The following ZNF91 variants were observed in gnomAD, a reference collection of about 807,000 sequenced individuals.
ZNF91 encodes the protein zinc finger protein 91.
In ZNF91, 7 loss-of-function variants were observed where a neutral mutation model predicts 12.6. The observed-to-expected ratio is 0.55, with a 90% CI of 0.31 to 1.04. The LOEUF (loss-of-function observed/expected upper bound fraction) is 1.04. ZNF91 is among the 50% of genes least tolerant of loss of function. The pLI is 0.05. For missense variants in ZNF91, 1,217 were observed against 1,385.4 expected (o/e 0.88, Z 1.93); for synonymous variants, 453 against 462.6 (o/e 0.98, Z 0.27).
intron 3 of ZNF91, among the ~76,000 whole-genome samples, chr19:23,368,871 TA>T (rs147574853): frequency 3.3e-5 from 5 of 151,478 alleles, no homozygotes; most frequent in African/African-American, 4.8e-5. Context: ...AAAACACAAA[TA>T]AAAAAACATT....
chr19:23,325,676 A>C (rs1395995034), intron 1 of ZNF91: 1 of 152,226 alleles, frequency 6.6e-6, no homozygotes, highest in Non-Finnish European at 1.5e-5. Flanking sequence ...TCTCACCCCC[A>C]TGTCCAATCA....
downstream of ZNF91, among the ~76,000 whole-genome samples, chr19:23,353,364 G>A (rs941012763): frequency 1.3e-5 from 2 of 151,886 alleles, no homozygotes; most frequent in African/African-American, 4.8e-5. Context: ...TGAGCACTGG[G>A]GCAAAAACAA....
At chr19:23,311,700 A>G (rs1199132497), upstream of ZNF91, among the ~76,000 whole-genome samples, 1 of 152,112 alleles carries the variant, frequency 6.6e-6, no homozygotes, top group Non-Finnish European at 1.5e-5. Flanking sequence ...AGATGGTGAC[A>G]CATCACTGAG....
chr19:23,347,717 C>A (rs1352709314), intron 3 of ZNF91, among the ~76,000 whole-genome samples: 2 of 152,190 alleles, frequency 1.3e-5, no homozygotes, highest in African/African-American at 4.8e-5. Context: ...ACCTTTCCAG[C>A]CGTGTTTGAG....
intron 3 of ZNF91, among the ~76,000 whole-genome samples, chr19:23,343,156 C>T (rs1296713659): frequency 6.6e-6 from 1 of 152,118 alleles, no homozygotes; most frequent in Non-Finnish European, 1.5e-5. Flanking sequence ...GTTTTGAGTG[C>T]CATATTTACA....
At chr19:23,346,344 G>A (rs962864815) in intron 3 of ZNF91, among the ~76,000 whole-genome samples, 7 of 151,968 alleles carry the variant, frequency 4.6e-5, no homozygotes, top group African/African-American at 1.7e-4. Context: ...CAGCCTACTG[G>A]TGCACAGGCA....
At chr19:23,357,363 A>G (rs1359952942), downstream of ZNF91, among the ~76,000 whole-genome samples, 2 of 152,248 alleles carry the variant, frequency 1.3e-5, no homozygotes, top group East Asian at 3.8e-4. Context: ...ACTCTGAACC[A>G]TAAGCCAAAA....
chr19:23,358,448 A>G lies in ZNF91; in HGVS notation c.*955T>C, dbSNP rs1231546987. On this transcript the variant is annotated 3_prime_UTR_variant, in exon 4 of 4. Transcript: ENST00000300619. ...TCCTTACCTTTCCATAGAAAAGGTC[A>G]TAAATAATGCCTCTTCATATTTGTA... The G allele has an allele frequency of 1.3e-5, 2 of 152,240 alleles. No individual in the cohort carries two copies. Among genetic ancestry groups the G allele is most frequent in the African/African-American group, 4.8e-5 (2 of 41,464 alleles). The allele number at this position is 152,240 out of a possible 1,614,324, so 9.4% of individuals were successfully genotyped here.
chr19:23,335,126 G>A (rs1258197379), downstream of ZNF91, among the ~76,000 whole-genome samples: 1 of 152,182 alleles, frequency 6.6e-6, no homozygotes, highest in Admixed American at 6.5e-5. Context: ...ACCAGTAGAG[G>A]CTGCAGAGCA....
At chr19:23,367,164 T>C (rs1969051452) in intron 3 of ZNF91, among the ~76,000 whole-genome samples, 1 of 152,184 alleles carries the variant, frequency 6.6e-6, no homozygotes, top group Non-Finnish European at 1.5e-5. Context: ...CATGGTACTT[T>C]GTTTGTAGTC....
chr19:23,318,132 A>AT (rs541590011), intron 1 of ZNF91, among the ~76,000 whole-genome samples: 98 of 152,298 alleles, frequency 6.4e-4, no homozygotes, highest in African/African-American at 2.3e-3. Flanking sequence ...TTCAGTTAAT[A>AT]TGAGTCTACC....
In ZNF91 at chr19:23,360,418, T is replaced by A. The variant is rs1568383345; in HGVS notation, c.2561A>T (p.Tyr854Phe). The change falls in exon 4 of 4, where the codon TAC (tyrosine) becomes TTC (phenylalanine). Residue 854 changes from tyrosine (Y) to phenylalanine (F), a missense_variant. Tyr to Phe is a conservative substitution (Grantham distance 22). Coordinates refer to ENST00000300619, the MANE Select transcript of ZNF91 (RefSeq NM_003430.4). The part of the protein sequence containing the change: ...HKIIHAGEKL[Y>F]KCEECGKAFN... ...AGCTTTGCCACATTCCTCACATTTG[T>A]AGAGTTTCTCTCCAGCATGTATTAT... is the stretch of plus-strand genomic sequence containing the variant. 21 of 1,614,132 alleles carry A rather than the reference T, an allele frequency of 1.3e-5. No individual in the cohort carries two copies. The highest frequency in any genetic ancestry group is 1.4e-5 in the Non-Finnish European group (17 of 1,180,000).
chr19:23,333,081 G>A (rs1967952717), intron 1 of ZNF91, among the ~76,000 whole-genome samples: 1 of 152,146 alleles, frequency 6.6e-6, no homozygotes, highest in Non-Finnish European at 1.5e-5. Context: ...GATCATGGGG[G>A]ACTCTCTTAT....
Position 23,361,971 on chromosome 19 carries a change from G to C in ZNF91, c.1008C>G (p.Thr336=). 2 of 1,613,182 alleles carry C rather than the reference G, an allele frequency of 1.2e-6. No individual in the cohort carries two copies. The highest frequency in any genetic ancestry group is 1.7e-6 in the Non-Finnish European group (2 of 1,179,754). ...TATGAATTCTCTTATGTTTAGCAAG[G>C]GTTGAAGAACGGCTAAAAGCTTTGC... is the stretch of plus-strand genomic sequence containing the variant. ...ECGKAFSRSS[T]LAKHKRIHTG... Residue 336 remains threonine, a synonymous_variant, in exon 4 of 4, where the codon ACC becomes ACG. Coordinates refer to ENST00000300619, the MANE Select transcript of ZNF91 (RefSeq NM_003430.4).
intron 3 of ZNF91, among the ~76,000 whole-genome samples, chr19:23,366,419 G>A (rs1969018122): frequency 6.6e-6 from 1 of 152,166 alleles, no homozygotes; most frequent in Admixed American, 6.5e-5. Context: ...ATAAATAGAA[G>A]ATTCATATAA....
At chr19:23,327,620 C>T (rs1359643299) in intron 1 of ZNF91, 2 of 152,172 alleles carry the variant, frequency 1.3e-5, no homozygotes, top group Non-Finnish European at 2.9e-5. Flanking sequence ...CTGGCAGATA[C>T]ATTTAGACAT....
At chr19:23,335,809 CT>C (rs1259247112), downstream of ZNF91, among the ~76,000 whole-genome samples, 1 of 152,186 alleles carries the variant, frequency 6.6e-6, no homozygotes, top group Non-Finnish European at 1.5e-5. Flanking sequence ...TCAGCTCACA[CT>C]CCATGGGCTG....
chr19:23,389,129 T>G (rs192121681), intron 1 of ZNF91, among the ~76,000 whole-genome samples: 1 of 151,922 alleles, frequency 6.6e-6, no homozygotes, highest in African/African-American at 2.4e-5. Flanking sequence ...CAAACCTGCA[T>G]GTGTACCCCT....
chr19:23,361,479 C>T lies in ZNF91; in HGVS notation c.1500G>A (p.Arg500=), dbSNP rs1317953106. 6.4e-7 allele frequency: 1 copy of T among 1,573,782 alleles called. No individual in the cohort carries two copies. The highest frequency in any genetic ancestry group is 8.6e-7 in the Non-Finnish European group (1 of 1,159,802). ...YKCEECGKAF[R]QSSTLTKHKI... is the part of the protein sequence containing the mutation. ...TATGTTTAGTAAGGGTTGAGGATTG[C>T]CTAAAAGCTTTGCCACATTCTTCAC... Residue 500 remains arginine (R), a synonymous_variant, in exon 4 of 4, where the codon AGG becomes AGA. Transcript: ENST00000300619.
Sources: gnomAD v4.1 joint callset for allele counts (sites outside exome capture counted in the v4.1 genomes callset) on GRCh38, gnomAD v4.1.1 for gene constraint, MANE v1.5 for transcripts, NCBI Gene and HGNC (gene_info 2026-07-23, HGNC 2026-07-21) for gene names.